Variants in DCC observed in about 807,000 individuals in gnomAD.
DCC encodes the protein netrin receptor DCC.
In DCC, 58 loss-of-function variants were observed where a neutral mutation model predicts 172.5. The observed-to-expected ratio is 0.34, with a 90% CI of 0.27 to 0.42. The LOEUF is 0.42. Among genes scored for constraint, DCC ranks in the 10% least tolerant of loss-of-function variants. The pLI is 1.00. For missense variants in DCC, 1,740 were observed against 1,791.0 expected (o/e 0.97, Z 0.51); for synonymous variants, 709 against 644.5 (o/e 1.10, Z -1.52).
intron 2 of DCC, among the ~76,000 whole-genome samples, chr18:52,785,552 G>A (rs937749931): frequency 6.6e-6 from 1 of 151,856 alleles, no homozygotes; most frequent in Non-Finnish European, 1.5e-5. Context: ...AAGCAGCTAG[G>A]GCTCCTCCTG....
chr18:53,284,146 C>T (rs989251234), intron 12 of DCC, among the ~76,000 whole-genome samples: 4 of 152,118 alleles, frequency 2.6e-5, no homozygotes, highest in Non-Finnish European at 5.9e-5. Context: ...TGAAAGAATA[C>T]CCTGTACAGG....
At chr18:53,454,637 C>A (rs1321306949) in intron 23 of DCC, among the ~76,000 whole-genome samples, 2 of 152,194 alleles carry the variant, frequency 1.3e-5, no homozygotes, top group East Asian at 3.9e-4. Context: ...GAACCACTGG[C>A]TGGCTGGGCC....
intron 11 of DCC, among the ~76,000 whole-genome samples, chr18:53,213,344 T>C (rs1442255125): frequency 6.6e-6 from 1 of 152,040 alleles, no homozygotes; most frequent in East Asian, 1.9e-4. Flanking sequence ...CTAGAAATAT[T>C]CTTTCATGTT....
At chr18:52,638,426 C>T (rs1005969296) in intron 1 of DCC, among the ~76,000 whole-genome samples, 1 of 152,072 alleles carries the variant, frequency 6.6e-6, no homozygotes, top group African/African-American at 2.4e-5. Flanking sequence ...CACAAACTAA[C>T]CATTTGCTGC....
chr18:53,150,167 C>A (rs1462293803), intron 7 of DCC, among the ~76,000 whole-genome samples: 2 of 152,320 alleles, frequency 1.3e-5, no homozygotes, highest in Non-Finnish European at 1.5e-5. Flanking sequence ...AAAATGTTCT[C>A]ACCCCAAACC....
intron 1 of DCC, among the ~76,000 whole-genome samples, chr18:52,489,175 A>C (rs75641222): frequency 0.061 from 9,337 of 152,132 alleles, 355 homozygotes; most frequent in East Asian, 0.083. Context: ...GTAGGAAGAG[A>C]ACCTGCATGT....
At chr18:52,452,429 A>G (rs915944757) in intron 1 of DCC, among the ~76,000 whole-genome samples, 13 of 152,224 alleles carry the variant, frequency 8.5e-5, no homozygotes, top group South Asian at 2.1e-4. Flanking sequence ...TTACTCACCC[A>G]TAAGCACATT....
chr18:52,924,250 C>A (rs562182318), intron 4 of DCC, among the ~76,000 whole-genome samples: 6 of 152,188 alleles, frequency 3.9e-5, no homozygotes, highest in South Asian at 2.1e-4. Context: ...ATCATCAGTT[C>A]AACTGTGATA....
intron 5 of DCC, among the ~76,000 whole-genome samples, chr18:53,049,323 A>G (rs906156617): frequency 7.2e-5 from 11 of 152,104 alleles, no homozygotes; most frequent in Non-Finnish European, 1.3e-4. Flanking sequence ...TTTAGGTTTA[A>G]TATTTAAGTC....
intron 1 of DCC, among the ~76,000 whole-genome samples, chr18:52,508,263 T>C (rs1171153348): frequency 6.6e-6 from 1 of 152,204 alleles, no homozygotes; most frequent in Non-Finnish European, 1.5e-5. Flanking sequence ...GTTGAGGATC[T>C]CCTTGTTTTA....
At chr18:53,458,712 T>C (rs778336157) in intron 23 of DCC, among the ~76,000 whole-genome samples, 36 of 152,262 alleles carry the variant, frequency 2.4e-4, no homozygotes, top group Non-Finnish European at 4.3e-4. Flanking sequence ...AAGAATATCC[T>C]CATGTGGCCT....
At chr18:53,347,563 G>T (rs572235557) in intron 15 of DCC, among the ~76,000 whole-genome samples, 5 of 152,070 alleles carry the variant, frequency 3.3e-5, no homozygotes, top group Admixed American at 3.3e-4. Flanking sequence ...TGGCACTATC[G>T]CACTTATTTA....
intron 20 of DCC, among the ~76,000 whole-genome samples, chr18:53,413,404 A>G (rs902835506): frequency 2.0e-5 from 3 of 152,240 alleles, no homozygotes; most frequent in Admixed American, 6.5e-5. Flanking sequence ...ATAGAAACAT[A>G]TGATAGAAAA....
At chr18:53,337,083 C>T (rs369954127) in intron 14 of DCC, among the ~76,000 whole-genome samples, 71 of 152,190 alleles carry the variant, frequency 4.7e-4, no homozygotes, top group African/African-American at 1.5e-3. Context: ...TTTAAAGCTC[C>T]GATGAATAAA....
chr18:53,004,365 C>A (rs1438807867), intron 5 of DCC, among the ~76,000 whole-genome samples: 1 of 152,148 alleles, frequency 6.6e-6, no homozygotes, highest in Non-Finnish European at 1.5e-5. Flanking sequence ...AAATTAATCT[C>A]TCTGTGTGTA....
chr18:53,507,192 T>C (rs1355874234), intron 27 of DCC, among the ~76,000 whole-genome samples: 2 of 149,272 alleles, frequency 1.3e-5, no homozygotes, highest in African/African-American at 4.9e-5. Flanking sequence ...ATCTTTAAAG[T>C]TCTTCAATGA....
chr18:53,238,437 C>A (rs1260739405), intron 12 of DCC, among the ~76,000 whole-genome samples: 1 of 152,164 alleles, frequency 6.6e-6, no homozygotes, highest in South Asian at 2.1e-4. Flanking sequence ...TTATGATATA[C>A]ACAGAATTGA....
At chr18:53,325,196 CAAAAAAAA>C in intron 14 of DCC, among the ~76,000 whole-genome samples, 1 of 65,104 alleles carries the variant, frequency 1.5e-5, no homozygotes, top group South Asian at 7.7e-4. Context: ...GACTCCATCT[CAAAAAAAA>C]AAAAAAAAAA....
At chr18:52,832,574 C>A (rs1487132702) in intron 2 of DCC, among the ~76,000 whole-genome samples, 1 of 152,108 alleles carries the variant, frequency 6.6e-6, no homozygotes, top group African/African-American at 2.4e-5. Context: ...TAGCTTAACA[C>A]AATTTCTTTC....
Sources: gnomAD v4.1 joint callset for allele counts (sites outside exome capture counted in the v4.1 genomes callset) on GRCh38, gnomAD v4.1.1 for gene constraint, MANE v1.5 for transcripts, NCBI Gene and HGNC (gene_info 2026-07-23, HGNC 2026-07-21) for gene names.